Variants in CTNNA2 observed in about 807,000 individuals in gnomAD.
The protein encoded by CTNNA2 is catenin alpha-2.
In CTNNA2, 42 loss-of-function variants were observed where a neutral mutation model predicts 101.0. That is an observed-to-expected ratio of 0.42 (90% CI 0.32 to 0.54). The LOEUF (loss-of-function observed/expected upper bound fraction) is 0.54. CTNNA2 is among the 20% of genes least tolerant of loss of function. The pLI, the probability that CTNNA2 is intolerant of heterozygous loss-of-function variation, is 0.14. For missense variants in CTNNA2, 871 were observed against 1,223.1 expected (o/e 0.71, Z 4.29); for synonymous variants, 450 against 456.4 (o/e 0.99, Z 0.18).
At chr2:79,654,191 T>C (rs1223721060) in intron 2 of CTNNA2, among the ~76,000 whole-genome samples, 1 of 152,210 alleles carries the variant, frequency 6.6e-6, no homozygotes, top group African/African-American at 2.4e-5. Context: ...CCTTTTCTCA[T>C]TACCAATTCC....
intron 7 of CTNNA2, among the ~76,000 whole-genome samples, chr2:80,336,302 G>A (rs763731984): frequency 5.3e-5 from 8 of 152,054 alleles, no homozygotes; most frequent in Admixed American, 1.3e-4. Context: ...AATTCTACTC[G>A]TGAGGGCTCT....
At chr2:80,122,763 A>G (rs999923281) in intron 7 of CTNNA2, among the ~76,000 whole-genome samples, 3 of 152,116 alleles carry the variant, frequency 2.0e-5, no homozygotes, top group African/African-American at 7.2e-5. Context: ...GCATGTGCAT[A>G]TGTGTGTGAA....
intron 2 of CTNNA2, among the ~76,000 whole-genome samples, chr2:79,213,605 G>A (rs997165428): frequency 3.9e-5 from 6 of 152,130 alleles, no homozygotes; most frequent in African/African-American, 1.4e-4. Context: ...TAAACTAAAT[G>A]TGATCAGAGT....
intron 7 of CTNNA2, among the ~76,000 whole-genome samples, chr2:79,964,410 G>GA (rs1042476446): frequency 1.1e-4 from 16 of 144,916 alleles, no homozygotes; most frequent in South Asian, 4.4e-4. Context: ...TATGGGTTTG[G>GA]AAAAAAAAAA....
At chr2:80,548,748 T>C (rs1172882953) in intron 11 of CTNNA2, among the ~76,000 whole-genome samples, 3 of 152,132 alleles carry the variant, frequency 2.0e-5, no homozygotes, top group African/African-American at 7.2e-5. Context: ...TACAGCCCAC[T>C]CTGTCCTGCT....
intron 9 of CTNNA2, among the ~76,000 whole-genome samples, chr2:80,430,970 C>T (rs544674348): frequency 9.2e-5 from 14 of 152,086 alleles, no homozygotes; most frequent in Non-Finnish European, 1.8e-4. Context: ...CAGACACCTT[C>T]AATGCAAAAA....
chr2:79,728,283 G>T (rs1460775820), intron 2 of CTNNA2, among the ~76,000 whole-genome samples: 6 of 152,156 alleles, frequency 3.9e-5, no homozygotes, highest in African/African-American at 1.4e-4. Flanking sequence ...ACTGGTGTGA[G>T]ATGGTATCTC....
intron 3 of CTNNA2, among the ~76,000 whole-genome samples, chr2:79,323,594 A>G (rs1037869690): frequency 2.6e-4 from 40 of 152,292 alleles, no homozygotes; most frequent in African/African-American, 9.4e-4. Flanking sequence ...TTTTTCTGGC[A>G]TGTTACCTTC....
At chr2:79,196,385 T>A (rs1464483286) in intron 1 of CTNNA2, among the ~76,000 whole-genome samples, 2 of 152,154 alleles carry the variant, frequency 1.3e-5, no homozygotes, top group African/African-American at 4.8e-5. Flanking sequence ...AAAAATCAAT[T>A]TTGCTCATTT....
chr2:79,520,093 C>A (rs1672023095), intron 1 of CTNNA2, among the ~76,000 whole-genome samples: 1 of 152,182 alleles, frequency 6.6e-6, no homozygotes, highest in Non-Finnish European at 1.5e-5. Context: ...GCTCCAAATT[C>A]CCATTAAAAT....
intron 7 of CTNNA2, among the ~76,000 whole-genome samples, chr2:80,112,744 C>T (rs980223505): frequency 9.2e-5 from 14 of 152,212 alleles, no homozygotes; most frequent in African/African-American, 3.1e-4. Flanking sequence ...TGCATTTTTG[C>T]GCACCCTATT....
intron 4 of CTNNA2, among the ~76,000 whole-genome samples, chr2:79,482,303 A>G (rs1043755362): frequency 6.6e-6 from 1 of 152,202 alleles, no homozygotes; most frequent in Admixed American, 6.5e-5. Flanking sequence ...TCCTTGGAAA[A>G]GTATCTTCAC....
In CTNNA2 at chr2:79,888,712, C is replaced by A. The variant is rs539435830; in HGVS notation, c.852+14370C>A. Among the ~76,000 whole-genome samples the A allele has an allele frequency of 3.3e-5, 5 of 152,162 alleles. No individual in the cohort carries two copies. The East Asian group carries it at 9.7e-4, about 29-fold the overall frequency. On this transcript the variant is annotated intron_variant, in intron 6 of 18. Coordinates refer to ENST00000402739, the MANE Select transcript of CTNNA2 (RefSeq NM_001282597.3). Reference sequence around the variant, plus strand: ...TTGAGGCAGCGAAAAATGTAAGAATCTGTTTTCTTCCTAGTGTGACTGATT... The same window carrying A: ...TTGAGGCAGCGAAAAATGTAAGAATATGTTTTCTTCCTAGTGTGACTGATT...
intron 7 of CTNNA2, among the ~76,000 whole-genome samples, chr2:80,352,060 C>G (rs1673352316): frequency 6.6e-6 from 1 of 152,124 alleles, no homozygotes; most frequent in South Asian, 2.1e-4. Flanking sequence ...GAGTGGAACC[C>G]TCATTCACCT....
intron 7 of CTNNA2, among the ~76,000 whole-genome samples, chr2:80,115,241 T>C (rs1297820728): frequency 3.3e-5 from 5 of 152,240 alleles, no homozygotes; most frequent in East Asian, 3.9e-4. Context: ...CCAGCCTTCA[T>C]TGGCCTAAGA....
intron 1 of CTNNA2, among the ~76,000 whole-genome samples, chr2:79,193,389 T>A (rs1199967374): frequency 6.6e-6 from 1 of 152,170 alleles, no homozygotes; most frequent in Non-Finnish European, 1.5e-5. Flanking sequence ...TACACAAATA[T>A]TTATCATTGT....
chr2:80,432,497 G>A lies in CTNNA2; in HGVS notation c.1290+12896G>A, dbSNP rs557684108. Among the ~76,000 whole-genome samples, 10 of 152,296 alleles carry A rather than the reference G, an allele frequency of 6.6e-5. No homozygotes were observed. The East Asian group carries it at 1.2e-3, about 18-fold the overall frequency. ...TTAGACATTCTGGAGCTGCCACAAAGTGTGAATATCACACATCCAAGGTGC... is the reference window on the plus strand; with the variant it reads ...TTAGACATTCTGGAGCTGCCACAAAATGTGAATATCACACATCCAAGGTGC... On this transcript the variant is annotated intron_variant, in intron 9 of 18. Coordinates refer to ENST00000402739, the MANE Select transcript of CTNNA2 (RefSeq NM_001282597.3).
intron 11 of CTNNA2, among the ~76,000 whole-genome samples, chr2:80,547,690 C>CTTTTTTTTT (rs61186189): frequency 0.011 from 1,331 of 123,994 alleles, 100 homozygotes; most frequent in African/African-American, 0.018. Flanking sequence ...GTCACTTCTG[C>CTTTTTTTTT]TTTTTTTTTT....
chr2:79,582,702 A>G (rs1261774108), intron 1 of CTNNA2, among the ~76,000 whole-genome samples: 2 of 152,114 alleles, frequency 1.3e-5, no homozygotes, highest in African/African-American at 2.4e-5. Flanking sequence ...TGCATGTGCC[A>G]TATCTTCTAG....
Sources: allele counts gnomAD v4.1 joint callset (sites outside exome capture counted in the v4.1 genomes callset), GRCh38; gene constraint gnomAD v4.1.1; transcripts MANE v1.5; gene names NCBI Gene and HGNC (gene_info 2026-07-23, HGNC 2026-07-21).